MSN: variants seen among roughly 807,000 people sequenced by gnomAD.
MSN encodes epididymis luminal protein 70.
Under a neutral mutation model 48.0 loss-of-function variants are expected in MSN, and 2 were observed. The observed-to-expected ratio is 0.04, with a 90% CI of 0.02 to 0.13. The LOEUF (loss-of-function observed/expected upper bound fraction) is 0.13. MSN is among the 10% of genes least tolerant of loss of function. MSN has a pLI of 1.00. For missense variants in MSN, 267 were observed against 470.1 expected (o/e 0.57, Z 3.99); for synonymous variants, 146 against 166.9 (o/e 0.87, Z 0.97).
intron 1 of MSN, 66 bp from the exon 2 acceptor site, chrX:65,716,752 A>C: frequency 1.0e-6 from 1 of 1,002,189 alleles, no homozygotes; most frequent in Non-Finnish European, 1.4e-6. Context: ...GAGCAGAGAC[A>C]CTTGTCTCAG....
In MSN at chrX:65,693,334, A is replaced by T. The variant is rs1361660150; in HGVS notation, c.13-23484A>T. ...CTTCAGTTCTGCACTGATCTTAGTTATTTCTTGCCTTCTGCTAGCTTTTGA... is the reference window on the plus strand; with the variant it reads ...CTTCAGTTCTGCACTGATCTTAGTTTTTTCTTGCCTTCTGCTAGCTTTTGA... On this transcript the variant is annotated intron_variant, in intron 1 of 12. Transcript: ENST00000360270. Among the ~76,000 whole-genome samples, 6 of 111,685 alleles carry T rather than the reference A, an allele frequency of 5.4e-5. No individual in the cohort carries two copies. The East Asian group carries it at 1.4e-3, about 26-fold the overall frequency.
At chrX:65,685,730 C>T (rs2071108639) in intron 1 of MSN, among the ~76,000 whole-genome samples, 1 of 111,819 alleles carries the variant, frequency 8.9e-6, no homozygotes, top group East Asian at 2.8e-4. Context: ...CAAGTATAGG[C>T]GTGCACCACT....
At chrX:65,697,056 C>G (rs2071250387) in intron 1 of MSN, among the ~76,000 whole-genome samples, 1 of 111,414 alleles carries the variant, frequency 9.0e-6, no homozygotes, top group African/African-American at 3.3e-5. Context: ...GGCCACCTTT[C>G]AACCTTCAGC....
At chrX:65,687,199 T>A (rs1272715773) in intron 1 of MSN, among the ~76,000 whole-genome samples, 1 of 111,239 alleles carries the variant, frequency 9.0e-6, no homozygotes, top group Non-Finnish European at 1.9e-5. Flanking sequence ...ACTAAAAAAA[T>A]TAGCTGGGTG....
At chrX:65,636,547 C>T (rs938933023) in intron 1 of MSN, among the ~76,000 whole-genome samples, 14 of 107,135 alleles carry the variant, frequency 1.3e-4, no homozygotes, top group Admixed American at 3.0e-4. Flanking sequence ...CAGCTCGAGA[C>T]CAGCCAGGGC....
intron 1 of MSN, among the ~76,000 whole-genome samples, chrX:65,657,453 G>T (rs2070790096): frequency 9.1e-6 from 1 of 110,266 alleles, no homozygotes; most frequent in African/African-American, 3.4e-5. Context: ...AGTGGGGGCA[G>T]GGCTGGGGGG....
intron 2 of MSN, among the ~76,000 whole-genome samples, chrX:65,721,141 C>T (rs1164682678): frequency 9.0e-6 from 1 of 111,576 alleles, no homozygotes; most frequent in Non-Finnish European, 1.9e-5. Flanking sequence ...GAGTTCCTTA[C>T]CTATAAAAGC....
At chrX:65,590,480 C>A (rs2070137798) in intron 1 of MSN, among the ~76,000 whole-genome samples, 1 of 110,856 alleles carries the variant, frequency 9.0e-6, no homozygotes, top group African/African-American at 3.3e-5. Flanking sequence ...GTGTGTGGCA[C>A]CATGCTAGAC....
chrX:65,683,269 C>A (rs751783151), intron 1 of MSN, among the ~76,000 whole-genome samples: 23 of 111,131 alleles, frequency 2.1e-4, no homozygotes, highest in African/African-American at 6.9e-4. Context: ...TTGGTTGGCC[C>A]CTGTGCTGAG....
At chrX:65,621,474 T>C (rs1390503944) in intron 1 of MSN, among the ~76,000 whole-genome samples, 1 of 112,285 alleles carries the variant, frequency 8.9e-6, no homozygotes, top group Non-Finnish European at 1.9e-5. Context: ...TATATGTCTA[T>C]ACTTATGCCA....
intron 1 of MSN, among the ~76,000 whole-genome samples, chrX:65,620,365 G>A (rs1321486002): frequency 8.8e-6 from 1 of 113,341 alleles, no homozygotes; most frequent in South Asian, 3.6e-4. Context: ...GTGAGACTCC[G>A]TGGGCGCAGG....
At chrX:65,725,759 C>T (rs763562920) in intron 2 of MSN, among the ~76,000 whole-genome samples, 7 of 111,836 alleles carry the variant, frequency 6.3e-5, no homozygotes, top group Non-Finnish European at 1.1e-4. Flanking sequence ...TTGAACTTTC[C>T]TCATTACCTC....
intron 1 of MSN, among the ~76,000 whole-genome samples, chrX:65,628,313 T>C (rs762995604): frequency 5.3e-5 from 6 of 113,042 alleles, no homozygotes; most frequent in Non-Finnish European, 1.1e-4. Flanking sequence ...CCCATACATC[T>C]TCTGAAATCT....
rs189384690 is a variant in MSN, at chrX:65,705,063, G to A, written c.13-11755G>A. Among the ~76,000 whole-genome samples, 14 of 110,861 alleles carry A rather than the reference G, an allele frequency of 1.3e-4. No individual in the cohort carries two copies. The East Asian group carries it at 2.6e-3, about 20-fold the overall frequency. The stretch of plus-strand genomic sequence containing the variant: ...TGGGATTACAAGTGTGAGCCACCGC[G>A]CCCAGCCTCAAAAGCCAGGTTTTTA... On this transcript the variant is annotated intron_variant, in intron 1 of 12. Coordinates refer to ENST00000360270, the MANE Select transcript of MSN (RefSeq NM_002444.3).
chrX:65,601,580 C>T (rs761150761), intron 1 of MSN, among the ~76,000 whole-genome samples: 12 of 112,418 alleles, frequency 1.1e-4, no homozygotes, highest in South Asian at 3.6e-4. Context: ...GCTGGCTGGG[C>T]GGGTGGGAAA....
At chrX:65,662,921 A>C (rs1005079391), upstream of MSN, among the ~76,000 whole-genome samples, 8 of 112,276 alleles carry the variant, frequency 7.1e-5, no homozygotes, top group African/African-American at 2.6e-4. Flanking sequence ...TCTATAGGGC[A>C]CTTAAACAAA....
intron 1 of MSN, among the ~76,000 whole-genome samples, chrX:65,683,520 G>A (rs977009882): frequency 2.8e-5 from 3 of 108,680 alleles, no homozygotes; most frequent in African/African-American, 1.0e-4. Flanking sequence ...AATTTTGGGG[G>A]CAGTAGGAGA....
At chrX:65,607,135 A>G (rs761355051) in intron 1 of MSN, among the ~76,000 whole-genome samples, 4 of 112,353 alleles carry the variant, frequency 3.6e-5, no homozygotes, top group South Asian at 3.7e-4. Flanking sequence ...TGTGAGAGAG[A>G]TATCACTAGC....
At chrX:65,601,034 G>C (rs1237019422) in intron 1 of MSN, among the ~76,000 whole-genome samples, 2 of 111,874 alleles carry the variant, frequency 1.8e-5, no homozygotes, top group Non-Finnish European at 3.8e-5. Context: ...AAAACCCAGA[G>C]AAAAGGAGAA....
Sources: gnomAD v4.1 joint callset for allele counts (sites outside exome capture counted in the v4.1 genomes callset) on GRCh38, gnomAD v4.1.1 for gene constraint, MANE v1.5 for transcripts, NCBI Gene and HGNC (gene_info 2026-07-23, HGNC 2026-07-21) for gene names.